ARPC5L: variants seen among roughly 807,000 people sequenced by gnomAD.
ARPC5L encodes the protein actin related protein 2/3 complex subunit 5 like, also known as actin-related protein 2/3 complex subunit 5-like protein.
Under a neutral mutation model 16.9 loss-of-function variants are expected in ARPC5L, and 4 were observed. That is an observed-to-expected ratio of 0.24 (90% CI 0.12 to 0.54). The LOEUF (loss-of-function observed/expected upper bound fraction) is 0.54. ARPC5L is among the 20% of genes least tolerant of loss of function. The probability of loss-of-function intolerance (pLI) is 0.95; values close to 1 mark genes in which losing one functional copy is unlikely to be tolerated. For missense variants in ARPC5L, 151 were observed against 201.9 expected, an observed-to-expected ratio of 0.75 and a Z score of 1.53; for synonymous variants, 78 against 82.6, an observed-to-expected ratio of 0.94 and a Z score of 0.30.
chr9:124,874,708 TCTC>T (rs1463902271), intron 4 of ARPC5L, among the ~76,000 whole-genome samples: 1 of 63,402 alleles, frequency 1.6e-5, no homozygotes, highest in African/African-American at 4.5e-5. Context: ...TCTTTTCTCT[TCTC>T]TCTCTCTCTC....
chr9:124,877,694 T>TTTAA lies in ARPC5L; in HGVS notation c.*761_*764dup, dbSNP rs200303749. ...TGTATGTAATTAATTTTGGAGCTTA[T>TTTAA]TTAATTAATTTAATAAAGTGCCAAA... On this transcript the variant is annotated 3_prime_UTR_variant, in exon 6 of 6. Coordinates refer to ENST00000353214, the MANE Select transcript of ARPC5L (RefSeq NM_030978.3). 1.4e-4 allele frequency: 21 copies of TTTAA among 151,548 alleles called. No homozygotes were observed. Among genetic ancestry groups the TTTAA allele is most frequent in the Non-Finnish European group, 2.6e-4 (18 of 68,032 alleles). 9.4% of individuals were successfully genotyped at this position (151,548 alleles called of 1,614,324 possible). A position where few individuals can be genotyped will look rare whatever the true frequency, so the allele number is the denominator to read the frequency against.
chr9:124,877,284 C>T lies in ARPC5L; in HGVS notation c.*344C>T, dbSNP rs2131341500. The T allele has an allele frequency of 4.1e-6, 1 of 242,024 alleles. No individual in the cohort carries two copies. The highest frequency in any genetic ancestry group is 7.9e-6 in the Non-Finnish European group (1 of 126,150). 15.0% of individuals were successfully genotyped at this position (242,024 alleles called of 1,614,324 possible). Reference sequence around the variant, plus strand: ...CCAAGGGCTGTGGTAAACGGGAGAGCTTGTGTTTTTGAAGTGGAAAAAAAC... The same window carrying T: ...CCAAGGGCTGTGGTAAACGGGAGAGTTTGTGTTTTTGAAGTGGAAAAAAAC... On this transcript the variant is annotated 3_prime_UTR_variant, in exon 6 of 6. Coordinates refer to ENST00000353214, the MANE Select transcript of ARPC5L (RefSeq NM_030978.3).
At chr9:124,874,695 CCCT>C (rs1056051028) in intron 4 of ARPC5L, among the ~76,000 whole-genome samples, 4 of 145,398 alleles carry the variant, frequency 2.8e-5, no homozygotes, top group African/African-American at 1.0e-4. Context: ...CTCCCTCTCT[CCCT>C]CTTTTCTCTT....
intron 5 of ARPC5L, among the ~76,000 whole-genome samples, chr9:124,875,749 C>T (rs1829424539): frequency 6.6e-6 from 1 of 152,184 alleles, no homozygotes; most frequent in Non-Finnish European, 1.5e-5. Flanking sequence ...GGGCTGCCTC[C>T]CACACCCTCC....
chr9:124,867,808 CTTTTTTTT>C (rs57343594), intron 2 of ARPC5L, among the ~76,000 whole-genome samples: 2 of 98,784 alleles, frequency 2.0e-5, no homozygotes, highest in Non-Finnish European at 4.3e-5. Context: ...CTTTTCTTTT[CTTTTTTTT>C]TTTTTTTTTT....
chr9:124,871,305 G>C (rs544797517), intron 3 of ARPC5L, among the ~76,000 whole-genome samples: 2 of 152,314 alleles, frequency 1.3e-5, no homozygotes, highest in South Asian at 4.1e-4. Flanking sequence ...TGTGACCTCG[G>C]ATAGGTCGCA....
chr9:124,863,801 C>A (rs1829235802), intron 1 of ARPC5L, among the ~76,000 whole-genome samples, 187 bp from the exon 2 acceptor site: 1 of 152,202 alleles, frequency 6.6e-6, no homozygotes, highest in South Asian at 2.1e-4. Context: ...ACTCCCTTGC[C>A]CTTAATAAAG....
chr9:124,870,871 A>T (rs1297963873), intron 3 of ARPC5L, among the ~76,000 whole-genome samples: 1 of 152,206 alleles, frequency 6.6e-6, no homozygotes, highest in Non-Finnish European at 1.5e-5. Context: ...GCCTGGTGAC[A>T]GGTTCCTTGA....
intron 3 of ARPC5L, chr9:124,873,429 C>T: frequency 1.9e-6 from 1 of 518,398 alleles, no homozygotes; most frequent in South Asian, 2.1e-5. Context: ...TCCAATTTTA[C>T]ATCAAGTTAC....
At position 124,877,019 on chromosome 9, in the gene ARPC5L, A is replaced by G. The variant is rs975187064; in HGVS notation, c.*79A>G. 4.4e-6 allele frequency: 5 copies of G among 1,141,716 alleles called. No homozygotes were observed. Among genetic ancestry groups the G allele is most frequent in the African/African-American group, 3.1e-5 (2 of 64,006 alleles). 70.7% of individuals were successfully genotyped at this position (1,141,716 alleles called of 1,614,324 possible). The stretch of plus-strand genomic sequence containing the variant: ...GTGAAGAAGGGATTGACAATGGACC[A>G]TCTTCCTAGGAACTCCCAAGTAAAC... On this transcript the variant is annotated 3_prime_UTR_variant, in exon 6 of 6. Transcript: ENST00000353214.
At chr9:124,865,315 T>TA (rs11414499) in intron 2 of ARPC5L, among the ~76,000 whole-genome samples, 102,068 of 107,016 alleles carry the variant, frequency 0.95, 48,797 homozygotes, top group Non-Finnish European at 0.98. Context: ...AAACTCTGTC[T>TA]AAAAAAAAAA....
In ARPC5L at chr9:124,876,804, C is replaced by T. The variant is rs527612659; in HGVS notation, c.400-74C>T. On this transcript the variant is annotated intron_variant, in intron 5 of 5. Transcript: ENST00000353214. The stretch of plus-strand genomic sequence containing the variant: ...GGATCTAGGTCAGGGAATGTCCCCC[C>T]TGTCTCTGGCAAGCCAGGCTCCCCT... 3.8e-5 allele frequency: 46 copies of T among 1,223,176 alleles called. No individual in the cohort carries two copies. The South Asian group carries it at 5.9e-4, about 16-fold the overall frequency. The allele number at this position is 1,223,176 out of a possible 1,614,324, so 75.8% of individuals were successfully genotyped here.
At position 124,862,143 on chromosome 9, in the gene ARPC5L, CT is replaced by C. The variant is rs1353637488; in HGVS notation, c.-1238del. Reference sequence around the variant, plus strand: ...AGTGCTCGCCTCATTCACGGCACCCCTGATAGCGAGGTCGGCGTCACGGTGT... The same window carrying C: ...AGTGCTCGCCTCATTCACGGCACCCCGATAGCGAGGTCGGCGTCACGGTGT... On this transcript the variant is annotated 5_prime_UTR_variant, in exon 1 of 6. Transcript: ENST00000353214. 74 of 493,890 alleles carry C rather than the reference CT, an allele frequency of 1.5e-4. No individual in the cohort carries two copies. In the South Asian group the frequency reaches 2.3e-3, roughly 15 times the overall value. The allele number at this position is 493,890 out of a possible 1,614,324, so 30.6% of individuals were successfully genotyped here.
chr9:124,869,758 G>T (rs1426769888), intron 3 of ARPC5L, among the ~76,000 whole-genome samples: 1 of 152,188 alleles, frequency 6.6e-6, no homozygotes, highest in Non-Finnish European at 1.5e-5. Flanking sequence ...GTCCCCTCAC[G>T]CTGTCCCTTC....
At chr9:124,876,789 CAG>C in intron 5 of ARPC5L, 87 bp from the exon 6 acceptor site, 1 of 1,024,908 alleles carries the variant, frequency 9.8e-7, no homozygotes. Context: ...GGATCTAGGT[CAG>C]GGAATGTCCC....
At chr9:124,866,339 G>A (rs1829270661) in intron 2 of ARPC5L, among the ~76,000 whole-genome samples, 1 of 152,084 alleles carries the variant, frequency 6.6e-6, no homozygotes, top group South Asian at 2.1e-4. Context: ...TGGAGGTGGA[G>A]GGTGCAGTGA....
chr9:124,865,988 C>T (rs963722926), intron 2 of ARPC5L, among the ~76,000 whole-genome samples: 10 of 151,102 alleles, frequency 6.6e-5, no homozygotes, highest in Non-Finnish European at 1.3e-4. Flanking sequence ...ACCTGTACTC[C>T]CAGCTACTTG....
At chr9:124,874,826 A>C (rs1829409026) in intron 4 of ARPC5L, 149 bp from the exon 5 acceptor site, 1 of 905,576 alleles carries the variant, frequency 1.1e-6, no homozygotes, top group African/African-American at 1.7e-5. Context: ...AAATCCACAA[A>C]AGACGTTCTA....
chr9:124,863,710 G>A (rs1232509072), intron 1 of ARPC5L, among the ~76,000 whole-genome samples: 2 of 152,208 alleles, frequency 1.3e-5, no homozygotes, highest in African/African-American at 4.8e-5. Context: ...AAAGTGAAAC[G>A]GGAATTCACA....
Sources: allele counts gnomAD v4.1 joint callset (sites outside exome capture counted in the v4.1 genomes callset), GRCh38; gene constraint gnomAD v4.1.1; transcripts MANE v1.5; gene names NCBI Gene and HGNC (gene_info 2026-07-23, HGNC 2026-07-21).